Variants in TGFBR3 observed in about 807,000 individuals in gnomAD.
TGFBR3 encodes transforming growth factor beta receptor 3, also known as transforming growth factor beta receptor type 3.
Under a neutral mutation model 87.9 loss-of-function variants are expected in TGFBR3, and 46 were observed. The observed-to-expected ratio is 0.52, with a 90% CI of 0.41 to 0.67. The LOEUF (loss-of-function observed/expected upper bound fraction) is 0.67, where lower values mean the gene tolerates loss of function less well. TGFBR3 is among the 30% of genes least tolerant of loss of function. The pLI, the probability that TGFBR3 is intolerant of heterozygous loss-of-function variation, is 0.00. For synonymous variants in TGFBR3, 381 were observed against 391.6 expected (o/e 0.97, Z 0.32); for missense variants, 866 against 1,041.9 (o/e 0.83, Z 2.32).
intron 3 of TGFBR3, among the ~76,000 whole-genome samples, chr1:91,764,474 T>C (rs1353638859): frequency 1.3e-5 from 2 of 152,028 alleles, no homozygotes; most frequent in Non-Finnish European, 2.9e-5. Context: ...GGAGTATTTA[T>C]GAAACTACAG....
At chr1:91,798,197 C>G (rs11466565) in intron 2 of TGFBR3, among the ~76,000 whole-genome samples, 3 of 152,184 alleles carry the variant, frequency 2.0e-5, no homozygotes, top group Non-Finnish European at 4.4e-5. Flanking sequence ...CCTTCCTGAA[C>G]GGAGTCTGAG....
intron 3 of TGFBR3, among the ~76,000 whole-genome samples, chr1:91,788,867 T>C (rs1414414889): frequency 6.6e-6 from 1 of 152,190 alleles, no homozygotes; most frequent in Admixed American, 6.5e-5. Flanking sequence ...AACAACACTT[T>C]CAGGAAATTA....
intron 4 of TGFBR3, among the ~76,000 whole-genome samples, chr1:91,746,520 AT>A (rs1673352616): frequency 6.6e-6 from 1 of 152,186 alleles, no homozygotes; most frequent in Admixed American, 6.5e-5. Flanking sequence ...ACGAAAAAAA[AT>A]AAAATGTTGG....
At chr1:91,738,703 T>C (rs1033708287) in intron 4 of TGFBR3, among the ~76,000 whole-genome samples, 5 of 152,204 alleles carry the variant, frequency 3.3e-5, no homozygotes, top group African/African-American at 1.2e-4. Context: ...CTCAAGTATT[T>C]CTTTTTAGCA....
chr1:91,764,590 A>C (rs188811217), intron 3 of TGFBR3, among the ~76,000 whole-genome samples: 3 of 152,154 alleles, frequency 2.0e-5, no homozygotes, highest in Non-Finnish European at 1.5e-5. Flanking sequence ...CGGAGAAGAG[A>C]GGCAGGCAAA....
intron 4 of TGFBR3, among the ~76,000 whole-genome samples, chr1:91,745,260 T>C (rs1438617246): frequency 6.6e-6 from 1 of 152,226 alleles, no homozygotes; most frequent in East Asian, 1.9e-4. Context: ...CTCTTCCCTT[T>C]TCCTGACTCC....
chr1:91,853,291 A>G (rs1224032959), intron 2 of TGFBR3, among the ~76,000 whole-genome samples: 1 of 149,982 alleles, frequency 6.7e-6, no homozygotes, highest in East Asian at 2.0e-4. Context: ...AAGAAGAAGA[A>G]GAAAAAAAGG....
At chr1:91,841,871 G>C (rs956797408) in intron 2 of TGFBR3, among the ~76,000 whole-genome samples, 2 of 151,006 alleles carry the variant, frequency 1.3e-5, no homozygotes, top group East Asian at 3.9e-4. Flanking sequence ...TTGGGAGGCA[G>C]GTGGATTGCT....
rs778907509 is a variant in TGFBR3 at position 91,797,341 on chromosome 1, C to T, written c.192G>A (p.Val64=). The change falls in exon 3 of 17, where the codon GTG becomes GTA. Residue 64 remains valine (V), a synonymous_variant. Coordinates refer to ENST00000212355, the MANE Select transcript of TGFBR3 (RefSeq NM_003243.5). ...SRGTTGLPQE[V]HVLNLRTAGQ... is the part of the protein sequence containing the mutation. ...CTGCAGTGCGGAGATTCAGGACATG[C>T]ACCTCCTGTGGCAGCCCAGTTGTGC... is the stretch of plus-strand genomic sequence containing the variant. The T allele has an allele frequency of 2.5e-6, 4 of 1,614,262 alleles. No homozygotes were observed. The highest frequency in any genetic ancestry group is 2.5e-6 in the Non-Finnish European group (3 of 1,180,042).
In TGFBR3 at chr1:91,867,750, T is replaced by G. The variant is rs148119038; in HGVS notation, c.-113-6106A>C. Among the ~76,000 whole-genome samples, 7 of 152,292 alleles carry G rather than the reference T, an allele frequency of 4.6e-5. No homozygotes were observed. The East Asian group carries it at 1.3e-3, about 29-fold the overall frequency. On this transcript the variant is annotated intron_variant, in intron 1 of 16. Coordinates refer to ENST00000212355, the MANE Select transcript of TGFBR3 (RefSeq NM_003243.5). ...TTTTAAGCTAGAATTAATAAAGAAC[T>G]GTATTTGGGGGTTCAAAACCTGGCT...
At chr1:91,800,255 T>TATACAC (rs1246293556) in intron 2 of TGFBR3, among the ~76,000 whole-genome samples, 11 of 89,324 alleles carry the variant, frequency 1.2e-4, no homozygotes, top group Admixed American at 3.7e-4. Flanking sequence ...TATATATATA[T>TATACAC]ACACACACAC....
intron 3 of TGFBR3, chr1:91,786,274 GTTTGGTTT>G (rs1283910967): frequency 2.2e-6 from 1 of 456,100 alleles, no homozygotes; most frequent in South Asian, 1.6e-5. Context: ...ATTTAGAGAA[GTTTGGTTT>G]TATGAAGAGG....
intron 15 of TGFBR3, among the ~76,000 whole-genome samples, chr1:91,697,255 C>T (rs1220980311): frequency 6.6e-6 from 1 of 152,084 alleles, no homozygotes; most frequent in Admixed American, 6.5e-5. Context: ...TGTTTGAGTT[C>T]ATATTGTTCC....
At chr1:91,698,404 TTG>T (rs1271132239) in intron 14 of TGFBR3, among the ~76,000 whole-genome samples, 1 of 152,120 alleles carries the variant, frequency 6.6e-6, no homozygotes, top group Non-Finnish European at 1.5e-5. Flanking sequence ...GTCCGACAAT[TTG>T]TGTGTGTGTT....
intron 4 of TGFBR3, among the ~76,000 whole-genome samples, chr1:91,743,464 A>G (rs534778970): frequency 6.6e-6 from 1 of 152,276 alleles, no homozygotes; most frequent in South Asian, 2.1e-4. Flanking sequence ...GGGCCCATTT[A>G]AATTTACAAC....
chr1:91,693,884 C>A (rs1405696468), intron 16 of TGFBR3, among the ~76,000 whole-genome samples: 2 of 152,212 alleles, frequency 1.3e-5, no homozygotes, highest in Admixed American at 1.3e-4. Context: ...AAATTACTTA[C>A]TTTAAAATGC....
At chr1:91,703,774 A>G (rs960338781) in intron 14 of TGFBR3, among the ~76,000 whole-genome samples, 2 of 152,210 alleles carry the variant, frequency 1.3e-5, no homozygotes, top group African/African-American at 4.8e-5. Flanking sequence ...GGATGGCACC[A>G]CCTCAACTAT....
intron 14 of TGFBR3, among the ~76,000 whole-genome samples, chr1:91,701,999 TA>T (rs1338233994): frequency 2.0e-5 from 3 of 152,192 alleles, no homozygotes; most frequent in Non-Finnish European, 4.4e-5. Flanking sequence ...GGGTGATTTT[TA>T]TTCCAGGGGA....
intron 2 of TGFBR3, among the ~76,000 whole-genome samples, chr1:91,805,174 T>C (rs553964473): frequency 6.6e-6 from 1 of 152,366 alleles, no homozygotes; most frequent in East Asian, 1.9e-4. Context: ...AATGTCCATA[T>C]GGATTCACCT....
Sources: gnomAD v4.1 joint callset for allele counts (sites outside exome capture counted in the v4.1 genomes callset) on GRCh38, gnomAD v4.1.1 for gene constraint, MANE v1.5 for transcripts, NCBI Gene and HGNC (gene_info 2026-07-23, HGNC 2026-07-21) for gene names.